Variants in ANO2 observed in about 807,000 individuals in gnomAD.
ANO2 encodes the protein anoctamin 2, also known as anoctamin-2.
ANO2 carries 101 observed loss-of-function variants against 124.2 expected under a neutral mutation model. That is an observed-to-expected ratio of 0.81 (90% CI 0.69 to 0.96). ANO2 has a LOEUF of 0.96. Ranked by LOEUF, ANO2 falls within the 40% of genes least tolerant of loss-of-function variation. The pLI, the probability that ANO2 is intolerant of heterozygous loss-of-function variation, is 0.00. For synonymous variants in ANO2, 486 were observed against 482.5 expected, an observed-to-expected ratio of 1.01 and a Z score of -0.09; for missense variants, 1,293 against 1,274.5, an observed-to-expected ratio of 1.01 and a Z score of -0.22.
chr12:5,616,603 C>A (rs1944821644), intron 16 of ANO2, among the ~76,000 whole-genome samples: 1 of 152,174 alleles, frequency 6.6e-6, no homozygotes, highest in African/African-American at 2.4e-5. Flanking sequence ...AGATACATGA[C>A]AACAGGGCCA....
At chr12:5,878,759 G>A (rs1938286019) in intron 3 of ANO2, among the ~76,000 whole-genome samples, 1 of 152,180 alleles carries the variant, frequency 6.6e-6, no homozygotes. Flanking sequence ...CAAACTTGCT[G>A]GAAACAGGAT....
At chr12:5,942,673 T>C (rs998772319) in intron 1 of ANO2, among the ~76,000 whole-genome samples, 1 of 152,240 alleles carries the variant, frequency 6.6e-6, no homozygotes, top group Non-Finnish European at 1.5e-5. Flanking sequence ...TGGGTTCTTT[T>C]GCCTTTACTT....
intron 14 of ANO2, among the ~76,000 whole-genome samples, chr12:5,691,870 C>CA (rs1948957573): frequency 1.3e-5 from 2 of 151,866 alleles, no homozygotes; most frequent in South Asian, 4.2e-4. Flanking sequence ...TGCCACTGCA[C>CA]TCCAGCCTGG....
intron 16 of ANO2, among the ~76,000 whole-genome samples, chr12:5,625,608 AC>A (rs944187221): frequency 6.6e-6 from 1 of 151,930 alleles, no homozygotes; most frequent in Non-Finnish European, 1.5e-5. Flanking sequence ...GCTCCCCAAA[AC>A]CCAAAACCCC....
At chr12:5,807,236 T>C in intron 8 of ANO2, 77 bp downstream of exon 8, 1 of 1,313,796 alleles carries the variant, frequency 7.6e-7, no homozygotes, top group Non-Finnish European at 1.1e-6. Context: ...TATTCACCCA[T>C]CTCACTGCCA....
intron 10 of ANO2, among the ~76,000 whole-genome samples, chr12:5,773,167 T>C (rs1418017076): frequency 6.6e-6 from 1 of 152,256 alleles, no homozygotes; most frequent in East Asian, 1.9e-4. Flanking sequence ...CTCTCTGGGT[T>C]CTGTAGTCAC....
chr12:5,592,464 G>A (rs1943445088), intron 20 of ANO2, among the ~76,000 whole-genome samples: 1 of 152,138 alleles, frequency 6.6e-6, no homozygotes, highest in African/African-American at 2.4e-5. Context: ...ACGTGAGAGT[G>A]TGAGATAACC....
At chr12:5,889,225 C>T (rs1291842266) in intron 3 of ANO2, among the ~76,000 whole-genome samples, 2 of 152,194 alleles carry the variant, frequency 1.3e-5, no homozygotes, top group African/African-American at 2.4e-5. Context: ...CCGACCATGC[C>T]TCTCCCTCTA....
At chr12:5,818,169 G>A (rs1849680491) in intron 7 of ANO2, among the ~76,000 whole-genome samples, 1 of 7,174 alleles carries the variant, frequency 1.4e-4, no homozygotes. Flanking sequence ...TGAGGGTGTT[G>A]CCAAAGATTA....
At position 5,895,192 on chromosome 12, in the gene ANO2, G is replaced by A. The variant is rs190041949; in HGVS notation, c.534+25848C>T. 9.4e-4 allele frequency among the ~76,000 whole-genome samples: 143 copies of A among 152,256 alleles called. 3 individuals carry two copies. The highest frequency in any genetic ancestry group is 5.6e-4 in the Non-Finnish European group (38 of 68,020). On this transcript the variant is annotated intron_variant, in intron 3 of 24. Transcript: ENST00000682330. Reference sequence around the variant, plus strand: ...TCAGCAGTGGTTTGTAGTTGTCCATGAAGAGGTCCTTCACATCCCTTGTAA... The same window carrying A: ...TCAGCAGTGGTTTGTAGTTGTCCATAAAGAGGTCCTTCACATCCCTTGTAA...
chr12:5,945,888 T>C (rs74986726), upstream of ANO2, among the ~76,000 whole-genome samples: 2,693 of 152,274 alleles, frequency 0.018, 84 homozygotes, highest in African/African-American at 0.062. Flanking sequence ...AGCTCTCCCA[T>C]GAGACGCTAG....
chr12:5,565,701 C>T, intron 23 of ANO2, 38 bp from the exon 24 acceptor site: 1 of 1,510,984 alleles, frequency 6.6e-7, no homozygotes, highest in Non-Finnish European at 8.9e-7. Flanking sequence ...ATCAGGAGCG[C>T]ATGGAGAAAA....
At chr12:5,866,947 C>T (rs1280035543) in intron 3 of ANO2, among the ~76,000 whole-genome samples, 1 of 152,214 alleles carries the variant, frequency 6.6e-6, no homozygotes, top group Non-Finnish European at 1.5e-5. Flanking sequence ...TCCAGTGAGA[C>T]CAACAAATAC....
chr12:5,931,004 G>A (rs1490493892), intron 1 of ANO2, among the ~76,000 whole-genome samples: 1 of 151,988 alleles, frequency 6.6e-6, no homozygotes, highest in Non-Finnish European at 1.5e-5. Context: ...TCCTTGCCTT[G>A]TTCCCCTCTG....
chr12:5,757,772 G>A (rs1460735182), intron 10 of ANO2, among the ~76,000 whole-genome samples: 1 of 152,206 alleles, frequency 6.6e-6, no homozygotes, highest in Non-Finnish European at 1.5e-5. Flanking sequence ...TCCGTCCAGG[G>A]AAAACTGGGA....
chr12:5,610,723 C>CATATATAT lies in ANO2; in HGVS notation c.2087+1925_2087+1932dup, dbSNP rs377499491. Among the ~76,000 whole-genome samples the CATATATAT allele has an allele frequency of 2.5e-3, 291 of 116,896 alleles. 3 individuals are homozygous for CATATATAT. The highest frequency in any genetic ancestry group is 8.6e-3 in the Middle Eastern group (2 of 232). 76.7% of individuals were successfully genotyped at this position (116,896 alleles called of 152,430 possible). ...ATACATGTATGTGTACACATATATA[C>CATATATAT]ATATATATATATATATATATGAAAA... is the stretch of plus-strand genomic sequence containing the variant. On this transcript the variant is annotated intron_variant, in intron 19 of 24. Transcript: ENST00000682330.
At chr12:5,744,569 G>A (rs1951210399) in intron 11 of ANO2, among the ~76,000 whole-genome samples, 1 of 152,298 alleles carries the variant, frequency 6.6e-6, no homozygotes, top group Non-Finnish European at 1.5e-5. Context: ...AAGTTAGTGA[G>A]ATCTGTCAGA....
At chr12:5,749,635 C>G (rs1421813348) in intron 11 of ANO2, among the ~76,000 whole-genome samples, 1 of 152,194 alleles carries the variant, frequency 6.6e-6, no homozygotes, top group Non-Finnish European at 1.5e-5. Context: ...AACATACTAA[C>G]CATGCTTCAG....
At chr12:5,911,468 C>T (rs76606961) in intron 3 of ANO2, among the ~76,000 whole-genome samples, 2,596 of 152,222 alleles carry the variant, frequency 0.017, 27 homozygotes, top group Non-Finnish European at 0.025. Flanking sequence ...TGAAGAGGGA[C>T]GATTAGCAAG....
Sources: allele counts gnomAD v4.1 joint callset (sites outside exome capture counted in the v4.1 genomes callset), GRCh38; gene constraint gnomAD v4.1.1; transcripts MANE v1.5; gene names NCBI Gene and HGNC (gene_info 2026-07-23, HGNC 2026-07-21).